Variants in JAK2 observed in about 807,000 individuals in gnomAD.
The protein encoded by JAK2 is Janus kinase 2.
Under a neutral mutation model 139.3 loss-of-function variants are expected in JAK2, and 86 were observed. The ratio of observed to expected loss-of-function variants is 0.62; its 90% CI spans 0.52 to 0.74. The LOEUF (loss-of-function observed/expected upper bound fraction) is 0.74. Ranked by LOEUF, JAK2 falls within the 30% of genes least tolerant of loss-of-function variation. The pLI is 0.00. For missense variants in JAK2, 1,421 were observed against 1,360.3 expected (o/e 1.04, Z -0.70); for synonymous variants, 490 against 437.7 (o/e 1.12, Z -1.49).
At chr9:5,048,212 G>T (rs1375417045) in intron 5 of JAK2, among the ~76,000 whole-genome samples, 1 of 151,870 alleles carries the variant, frequency 6.6e-6, no homozygotes, top group Non-Finnish European at 1.5e-5. Flanking sequence ...CGTGATCTCG[G>T]CTCACTGCAA....
At chr9:5,026,547 T>C (rs1031099313) in intron 3 of JAK2, among the ~76,000 whole-genome samples, 1 of 152,212 alleles carries the variant, frequency 6.6e-6, no homozygotes, top group African/African-American at 2.4e-5. Context: ...TAAAATACTT[T>C]TGTGTTCTGT....
intron 19 of JAK2, among the ~76,000 whole-genome samples, chr9:5,083,083 T>C (rs1819826086): frequency 6.6e-6 from 1 of 152,234 alleles, no homozygotes; most frequent in African/African-American, 2.4e-5. Context: ...ATTATTCAAA[T>C]TGACTTGACC....
At chr9:5,058,093 G>A (rs549352199) in intron 8 of JAK2, among the ~76,000 whole-genome samples, 1 of 152,206 alleles carries the variant, frequency 6.6e-6, no homozygotes, top group East Asian at 1.9e-4. Context: ...ATCCATCAAT[G>A]AATATTCAGG....
chr9:5,114,971 G>C (rs1045667370), intron 22 of JAK2, among the ~76,000 whole-genome samples: 6 of 152,032 alleles, frequency 3.9e-5, no homozygotes, highest in Admixed American at 2.0e-4. Context: ...AAACCCTAGA[G>C]GAAAACCTAG....
At chr9:4,996,741 T>G (rs1820588984) in intron 2 of JAK2, among the ~76,000 whole-genome samples, 1 of 152,118 alleles carries the variant, frequency 6.6e-6, no homozygotes, top group Admixed American at 6.5e-5. Context: ...GTAAGTATTC[T>G]GCGATAATTG....
chr9:5,004,425 T>C (rs967934980), intron 2 of JAK2, among the ~76,000 whole-genome samples: 4 of 152,338 alleles, frequency 2.6e-5, no homozygotes, highest in Non-Finnish European at 4.4e-5. Flanking sequence ...CTTAATATAA[T>C]GTCTTCCAGG....
chr9:5,055,925 A>G, intron 8 of JAK2, 137 bp downstream of exon 8: 1 of 720,580 alleles, frequency 1.4e-6, no homozygotes, highest in Non-Finnish European at 2.2e-6. Context: ...ACATCAGTTC[A>G]GTAAACTTTT....
At chr9:5,008,423 G>T (rs1375189155) in intron 2 of JAK2, among the ~76,000 whole-genome samples, 1 of 152,208 alleles carries the variant, frequency 6.6e-6, no homozygotes, top group Non-Finnish European at 1.5e-5. Flanking sequence ...TGGAGATTAA[G>T]AAAAGGGCTG....
chr9:5,074,795 A>G (rs1819201437), intron 14 of JAK2, among the ~76,000 whole-genome samples: 1 of 152,192 alleles, frequency 6.6e-6, no homozygotes, highest in Non-Finnish European at 1.5e-5. Context: ...AAGCTGCAGC[A>G]GTTATCCAGA....
chr9:5,003,763 G>C (rs528205663), intron 2 of JAK2, among the ~76,000 whole-genome samples: 2 of 152,138 alleles, frequency 1.3e-5, no homozygotes, highest in Admixed American at 6.5e-5. Flanking sequence ...CATGATTTTA[G>C]ACATGATTGT....
chr9:5,087,711 A>C (rs1299057455), intron 19 of JAK2, among the ~76,000 whole-genome samples: 1 of 152,212 alleles, frequency 6.6e-6, no homozygotes, highest in Non-Finnish European at 1.5e-5. Flanking sequence ...GCTTATTGGA[A>C]CATCAAATGG....
intron 2 of JAK2, among the ~76,000 whole-genome samples, chr9:5,019,652 G>A (rs1822286197): frequency 6.6e-6 from 1 of 152,206 alleles, no homozygotes; most frequent in African/African-American, 2.4e-5. Flanking sequence ...CACATCTGGT[G>A]TAATCATCAC....
At chr9:5,115,557 C>A (rs1469565177) in intron 22 of JAK2, among the ~76,000 whole-genome samples, 5 of 152,324 alleles carry the variant, frequency 3.3e-5, no homozygotes, top group African/African-American at 1.2e-4. Flanking sequence ...AATTCCATTA[C>A]TGGGTATATA....
intron 2 of JAK2, among the ~76,000 whole-genome samples, chr9:4,991,903 C>A (rs775035482): frequency 3.9e-5 from 6 of 152,166 alleles, no homozygotes; most frequent in Non-Finnish European, 8.8e-5. Context: ...CTTCTCAATT[C>A]TTCCCTCTAC....
chr9:5,074,117 T>C (rs1247039880), intron 14 of JAK2, among the ~76,000 whole-genome samples: 6 of 152,140 alleles, frequency 3.9e-5, no homozygotes, highest in African/African-American at 1.4e-4. Flanking sequence ...CAGTACAAAC[T>C]TATCTGGAAT....
intron 2 of JAK2, among the ~76,000 whole-genome samples, chr9:5,021,639 A>G (rs905223450): frequency 1.3e-5 from 2 of 152,024 alleles, no homozygotes; most frequent in African/African-American, 4.8e-5. Flanking sequence ...TTATGTATTC[A>G]TTTTTGAGAC....
intron 16 of JAK2, among the ~76,000 whole-genome samples, chr9:5,079,852 TAATGG>T (rs1453618071): frequency 6.6e-6 from 1 of 151,768 alleles, no homozygotes; most frequent in African/African-American, 2.4e-5. Context: ...AAGGTAAAAC[TAATGG>T]AAAGAGGTTG....
chr9:5,121,684 G>C (rs868237680), intron 22 of JAK2, among the ~76,000 whole-genome samples: 24 of 152,268 alleles, frequency 1.6e-4, no homozygotes, highest in South Asian at 6.2e-4. Flanking sequence ...ACTTCAAAAA[G>C]ACAAAGAATT....
intron 11 of JAK2, among the ~76,000 whole-genome samples, chr9:5,069,432 A>C (rs1488391662): frequency 6.6e-6 from 1 of 152,190 alleles, no homozygotes; most frequent in Non-Finnish European, 1.5e-5. Context: ...GAGATTTTAA[A>C]CATAATGTGT....
Sources: allele counts gnomAD v4.1 joint callset (sites outside exome capture counted in the v4.1 genomes callset), GRCh38; gene constraint gnomAD v4.1.1; transcripts MANE v1.5; gene names NCBI Gene and HGNC (gene_info 2026-07-23, HGNC 2026-07-21).